CLSTN3: variants seen among roughly 807,000 people sequenced by gnomAD.
CLSTN3 encodes calsyntenin 3, also known as calsyntenin-3.
Under a neutral mutation model 95.9 loss-of-function variants are expected in CLSTN3, and 36 were observed. The ratio of observed to expected loss-of-function variants is 0.38; its 90% CI spans 0.29 to 0.50. The LOEUF is 0.50. Among genes scored for constraint, CLSTN3 ranks in the 20% least tolerant of loss-of-function variants. The pLI is 0.95. For synonymous variants in CLSTN3, 481 were observed against 504.0 expected, an observed-to-expected ratio of 0.95 and a Z score of 0.61; for missense variants, 1,084 against 1,268.8, an observed-to-expected ratio of 0.85 and a Z score of 2.21.
chr12:7,150,914 C>T lies in CLSTN3; in HGVS notation c.2392-14C>T. The stretch of plus-strand genomic sequence containing the variant: ...GAGAAGCGTGTGTGCCCATGGAGCC[C>T]TCCCTCTGCCCAGGTCAATGTCCTG... On this transcript the variant is annotated splice_polypyrimidine_tract_variant and intron_variant, in intron 15 of 17. Coordinates refer to ENST00000266546, the MANE Select transcript of CLSTN3 (RefSeq NM_014718.4). This position sits in a 1 kb window ranked among gnomAD's most constrained non-coding sequence, Gnocchi z 4.0. The T allele has an allele frequency of 6.4e-7, 1 of 1,570,278 alleles. No individual in the cohort carries two copies. The highest frequency in any genetic ancestry group is 8.7e-7 in the Non-Finnish European group (1 of 1,154,558).
chr12:7,151,264 C>G (rs1170469908), intron 16 of CLSTN3: 1 of 541,526 alleles, frequency 1.8e-6, no homozygotes, highest in East Asian at 3.4e-5. Context: ...TTGTGAAGAA[C>G]ATGAGCCTTG....
chr12:7,130,248 T>G (rs1436280044), upstream of CLSTN3: 5 of 421,880 alleles, frequency 1.2e-5, no homozygotes, highest in Admixed American at 1.6e-4. Context: ...GCCTTGAAAC[T>G]CTCCAGCCCC....
In CLSTN3 at chr12:7,154,984, C is replaced by T. The variant is rs188107108; in HGVS notation, c.2528-2505C>T. Among the ~76,000 whole-genome samples, 8 of 152,266 alleles carry T rather than the reference C, an allele frequency of 5.3e-5. No homozygotes were observed. The East Asian group carries it at 1.2e-3, about 22-fold the overall frequency. On this transcript the variant is annotated intron_variant, in intron 16 of 17. Transcript: ENST00000266546. Reference sequence around the variant, plus strand: ...AGGAAACCTGAGCAGTTCTGAGAGCCGTGATAGGAGCCAAACGCTATTTCA... The same window carrying T: ...AGGAAACCTGAGCAGTTCTGAGAGCTGTGATAGGAGCCAAACGCTATTTCA...
Position 7,157,556 on chromosome 12 carries a change from G to A in CLSTN3, c.2595G>A (p.Leu865=), listed in dbSNP as rs149346228. Residue 865 remains leucine (L), a synonymous_variant, in exon 17 of 18, where the codon CTG becomes CTA. Coordinates refer to ENST00000266546, the MANE Select transcript of CLSTN3 (RefSeq NM_014718.4). The surrounding 1 kb of genome is among the most constrained non-coding windows in gnomAD (Gnocchi z 5.9). ...CVGFLVLMVV[L]GLVRIHSLHR... is the part of the protein sequence containing the mutation. Reference sequence around the variant, plus strand: ...GCTTCCTGGTGCTCATGGTCGTCCTGGGCCTGGTGCGCATCCATTCCCTTC... The same window carrying A: ...GCTTCCTGGTGCTCATGGTCGTCCTAGGCCTGGTGCGCATCCATTCCCTTC... The A allele has an allele frequency of 9.9e-6, 16 of 1,612,554 alleles. No individual in the cohort carries two copies. The highest frequency in any genetic ancestry group is 1.3e-5 in the Non-Finnish European group (15 of 1,179,488).
intron 12 of CLSTN3, 21 bp downstream of exon 12, chr12:7,143,332 G>A (rs113899462): frequency 0.04 from 63,752 of 1,598,872 alleles, 1,484 homozygotes; most frequent in South Asian, 0.061. Flanking sequence ...GGTGGGGCAG[G>A]GCAAATCACC....
In CLSTN3 at chr12:7,135,483, C is replaced by T. The variant is rs771640655; in HGVS notation, c.540C>T (p.Ile180=). The T allele has an allele frequency of 6.2e-7, 1 of 1,614,156 alleles. No homozygotes were observed. The highest frequency in any genetic ancestry group is 8.5e-7 in the Non-Finnish European group (1 of 1,180,022). ...DGDCSPQYSQ[I]CYYEILTPNT... ...ACTGCTCCCCCCAGTACAGCCAGATCTGCTACTATGAGATTCTCACACCCA... is the reference window on the plus strand; with the variant it reads ...ACTGCTCCCCCCAGTACAGCCAGATTTGCTACTATGAGATTCTCACACCCA... The change falls in exon 4 of 18, where the codon ATC becomes ATT. Residue 180 remains isoleucine, a synonymous_variant. Coordinates refer to ENST00000266546, the MANE Select transcript of CLSTN3 (RefSeq NM_014718.4).
chr12:7,141,107 C>T lies in CLSTN3; in HGVS notation c.1324-135C>T. 1 of 964,706 alleles carries T rather than the reference C, an allele frequency of 1.0e-6. No individual in the cohort carries two copies. Among genetic ancestry groups the T allele is most frequent in the East Asian group, 2.5e-5 (1 of 39,298 alleles). The allele number at this position is 964,706 out of a possible 1,614,324, so 59.8% of individuals were successfully genotyped here. ...TCCTCGAGCTGGATAGGCAGCAAAG[C>T]ACTAGTAAGCCCTGTTGGTAGAACT... is the stretch of plus-strand genomic sequence containing the variant. On this transcript the variant is annotated intron_variant, in intron 8 of 17. Transcript: ENST00000266546. The surrounding 1 kb of genome is among the most constrained non-coding windows in gnomAD (Gnocchi z 4.1).
In CLSTN3 at chr12:7,147,671, C is replaced by T. The variant is rs765645758; in HGVS notation, c.1848-1301C>T. Among the ~76,000 whole-genome samples the T allele has an allele frequency of 5.3e-5, 8 of 151,712 alleles. 1 individual carries two copies. The South Asian group carries it at 1.5e-3, about 28-fold the overall frequency. On this transcript the variant is annotated intron_variant, in intron 12 of 17. Coordinates refer to ENST00000266546, the MANE Select transcript of CLSTN3 (RefSeq NM_014718.4). ...CTGGGACTACAAGCATCTACCACCA[C>T]ACCTGGATAATTTTTGTATTTTTTG...
intron 12 of CLSTN3, among the ~76,000 whole-genome samples, chr12:7,148,188 G>GAAAGAAAGAA (rs796959531): frequency 2.4e-5 from 3 of 124,366 alleles, no homozygotes; most frequent in African/African-American, 9.6e-5. Flanking sequence ...AAGAAAGAAA[G>GAAAGAAAGAA]AAAGAAAGAA....
In CLSTN3 at chr12:7,143,176, C is replaced by T. The variant is rs1390323681; in HGVS notation, c.1712C>T (p.Pro571Leu). ...TCTGGGGCCCAGGTCCACGTGAACC[C>T]CTCACAGTCCCTGCTCACCCTGGAG... ...LGKGMKVHVN[P>L]SQSLLTLEGD... The change falls in exon 12 of 18, where the codon CCC (proline) becomes CTC (leucine). Residue 571 changes from proline to leucine, a missense_variant. By Grantham distance (98) the Pro-to-Leu change is moderately conservative. Transcript: ENST00000266546. 2 of 1,613,546 alleles carry T rather than the reference C, an allele frequency of 1.2e-6. No homozygotes were observed. The highest frequency in any genetic ancestry group is 1.7e-6 in the Non-Finnish European group (2 of 1,179,752).
chr12:7,130,327 T>A, upstream of CLSTN3: 1 of 1,045,002 alleles, frequency 9.6e-7, no homozygotes, highest in Non-Finnish European at 1.2e-6. Context: ...AGTCACCTGA[T>A]TGGCCGGCGG....
At position 7,141,234 on chromosome 12, in the gene CLSTN3, T is replaced by A; in HGVS notation, c.1324-8T>A. 1 of 1,612,768 alleles carries A rather than the reference T, an allele frequency of 6.2e-7. No homozygotes were observed. The highest frequency in any genetic ancestry group is 8.5e-7 in the Non-Finnish European group (1 of 1,179,288). On this transcript the variant is annotated splice_region_variant and splice_polypyrimidine_tract_variant and intron_variant, in intron 8 of 17. Transcript: ENST00000266546. The surrounding 1 kb of genome is among the most constrained non-coding windows in gnomAD (Gnocchi z 4.1). ...TGAGAGGCTCTTGCCCCTACCCTAC[T>A]CTCCCAGGTCTGTGATGATGAGTGG...
At position 7,132,212 on chromosome 12, in the gene CLSTN3, A is replaced by G. The variant is rs141011633; in HGVS notation, c.65-812A>G. 2.8e-3 allele frequency among the ~76,000 whole-genome samples: 424 copies of G among 152,236 alleles called. 3 individuals carry two copies. Among genetic ancestry groups the G allele is most frequent in the African/African-American group, 9.2e-3 (383 of 41,518 alleles). On this transcript the variant is annotated intron_variant, in intron 1 of 17. Transcript: ENST00000266546. ...AAGAACTGGGATTGAGTTCTGTATAAAAAGTGGGTTTCAGGGAATGTGGTT... is the reference window on the plus strand; with the variant it reads ...AAGAACTGGGATTGAGTTCTGTATAGAAAGTGGGTTTCAGGGAATGTGGTT...
At chr12:7,151,899 A>G (rs1029658468) in intron 16 of CLSTN3, among the ~76,000 whole-genome samples, 7 of 152,002 alleles carry the variant, frequency 4.6e-5, no homozygotes, top group African/African-American at 1.5e-4. Context: ...CAAAAAATAA[A>G]AAAAATTAGC....
rs376219915 is a variant in CLSTN3, at chr12:7,135,279, G to T, written c.384-48G>T. 4 of 1,575,802 alleles carry T rather than the reference G, an allele frequency of 2.5e-6. No individual in the cohort carries two copies. The African/African-American group carries it at 5.4e-5, about 21-fold the overall frequency. On this transcript the variant is annotated intron_variant, in intron 3 of 17. Transcript: ENST00000266546. ...AGGCTGTATCTCAATGTATAATGTC[G>T]AGGCTGGCTGACGTGTCTTCATCCC... is the stretch of plus-strand genomic sequence containing the variant.
In CLSTN3 at chr12:7,130,378, A is replaced by G. The variant is rs1303876934; in HGVS notation, c.-271A>G. The G allele has an allele frequency of 7.4e-6, 10 of 1,355,268 alleles. No individual in the cohort carries two copies. The highest frequency in any genetic ancestry group is 9.5e-6 in the Non-Finnish European group (10 of 1,049,608). The allele number at this position is 1,355,268 out of a possible 1,614,324, so 84.0% of individuals were successfully genotyped here. A position where few individuals can be genotyped will look rare whatever the true frequency, so the allele number is the denominator to read the frequency against. On this transcript the variant is annotated 5_prime_UTR_variant, in exon 1 of 18. Transcript: ENST00000266546. ...CCCGGCTGTGCTGACGTCATCCTGC[A>G]GTAGCGGGGTTGGGGTGGGAGTGAG... is the stretch of plus-strand genomic sequence containing the variant.
intron 1 of CLSTN3, chr12:7,132,301 T>C (rs976728409): frequency 8.7e-6 from 2 of 230,276 alleles, no homozygotes; most frequent in Non-Finnish European, 1.8e-5. Flanking sequence ...GGTGTGGGGG[T>C]GGGAAGCAGG....
At chr12:7,151,660 A>G (rs1939725917) in intron 16 of CLSTN3, among the ~76,000 whole-genome samples, 1 of 152,198 alleles carries the variant, frequency 6.6e-6, no homozygotes, top group Admixed American at 6.5e-5. Context: ...GTGGTCCCAA[A>G]GGTTCCCGGT....
At position 7,149,178 on chromosome 12, in the gene CLSTN3, A is replaced by T. The variant is rs373722622; in HGVS notation, c.2054A>T (p.Asp685Val). Residue 685 changes from aspartate (D) to valine (V), a missense_variant, in exon 13 of 18, where the codon GAT (aspartate) becomes GTT (valine). By Grantham distance (152) the Asp-to-Val change is radical. Transcript: ENST00000266546. This position sits in a 1 kb window ranked among gnomAD's most constrained non-coding sequence, Gnocchi z 4.5. ...TCTCACCAGGTGGAGGCCAAAAAGG[A>T]TGAGAGTTGGCAGGGCACAGGTAAG... is the stretch of plus-strand genomic sequence containing the variant. ...SISHQVEAKK[D>V]ESWQGTVTDT... 3.0e-5 allele frequency: 49 copies of T among 1,611,792 alleles called. No homozygotes were observed. Among genetic ancestry groups the T allele is most frequent in the Non-Finnish European group, 3.9e-5 (46 of 1,178,780 alleles).
Sources: allele counts gnomAD v4.1 joint callset (sites outside exome capture counted in the v4.1 genomes callset), GRCh38; gene constraint gnomAD v4.1.1; non-coding constraint Gnocchi (gnomAD v3.1); transcripts MANE v1.5; gene names NCBI Gene and HGNC (gene_info 2026-07-23, HGNC 2026-07-21).